PALM2AKAP2: variants seen among roughly 807,000 people sequenced by gnomAD.
PALM2AKAP2 encodes the protein PALM2-AKAP2 fusion protein.
PALM2AKAP2 carries 37 observed loss-of-function variants against 71.5 expected under a neutral mutation model. The observed-to-expected ratio is 0.52, with a 90% confidence interval of 0.40 to 0.68. The LOEUF (loss-of-function observed/expected upper bound fraction) is 0.68, where lower values mean the gene tolerates loss of function less well. Among genes scored for constraint, PALM2AKAP2 ranks in the 30% least tolerant of loss-of-function variants. The probability of loss-of-function intolerance (pLI) is 0.00; values close to 1 mark genes in which losing one functional copy is unlikely to be tolerated. For synonymous variants in PALM2AKAP2, 468 were observed against 478.8 expected (o/e 0.98, Z 0.29); for missense variants, 1,224 against 1,191.8 (o/e 1.03, Z -0.40).
intron 1 of PALM2AKAP2, among the ~76,000 whole-genome samples, chr9:109,744,141 A>G (rs146764006): frequency 7.3e-4 from 111 of 152,312 alleles, no homozygotes; most frequent in African/African-American, 2.6e-3. Context: ...AGAACTGAAT[A>G]ATGATTGGAG....
Position 109,657,871 on chromosome 9 carries a change from T to C in PALM2AKAP2, c.5+17005T>C, listed in dbSNP as rs568516959. Among the ~76,000 whole-genome samples, 6 of 151,558 alleles carry C rather than the reference T, an allele frequency of 4.0e-5. No homozygotes were observed. The South Asian group carries it at 1.0e-3, about 26-fold the overall frequency. ...GAGCTAGGGAGTGGCATGTCATCCC[T>C]GGGGAGATGAGAAAGGGTCAGACTT... On this transcript the variant is annotated intron_variant, in intron 1 of 6. Transcript: ENST00000374531.
intron 2 of PALM2AKAP2, among the ~76,000 whole-genome samples, chr9:110,139,980 C>G (rs917609283): frequency 6.6e-6 from 1 of 152,212 alleles, no homozygotes; most frequent in African/African-American, 2.4e-5. Flanking sequence ...CAGGTGTCAA[C>G]TCTGATCACT....
At chr9:109,695,694 T>C (rs781536360) in intron 1 of PALM2AKAP2, among the ~76,000 whole-genome samples, 2 of 152,090 alleles carry the variant, frequency 1.3e-5, no homozygotes, top group Non-Finnish European at 2.9e-5. Context: ...TTATTCCATA[T>C]AAAAAAGAAT....
At chr9:110,090,274 T>C (rs1414143608) in intron 1 of PALM2AKAP2, 4 of 447,058 alleles carry the variant, frequency 8.9e-6, no homozygotes, top group Non-Finnish European at 1.8e-5. Context: ...GAGGGCTGTG[T>C]TCCTGTGTCC....
At chr9:109,898,317 T>C (rs1235478560) in intron 3 of PALM2AKAP2, among the ~76,000 whole-genome samples, 1 of 152,252 alleles carries the variant, frequency 6.6e-6, no homozygotes, top group African/African-American at 2.4e-5. Flanking sequence ...CACAAACATG[T>C]GCTTACACAC....
intron 1 of PALM2AKAP2, 126 bp downstream of exon 1, chr9:109,780,659 C>T: frequency 7.3e-7 from 1 of 1,378,852 alleles, no homozygotes; most frequent in Non-Finnish European, 1.0e-6. Context: ...GGCTAAAACT[C>T]TGTCAGGGCT....
chr9:110,168,692 CAGG>C (rs1298974836), exon 4 of PALM2AKAP2: 1 of 658,060 alleles, frequency 1.5e-6, no homozygotes, highest in African/African-American at 1.9e-5. Flanking sequence ...TCTGGACACC[CAGG>C]AATCAAAAGA....
chr9:109,839,999 A>C (rs1211441403), intron 1 of PALM2AKAP2, among the ~76,000 whole-genome samples: 1 of 152,206 alleles, frequency 6.6e-6, no homozygotes, highest in Non-Finnish European at 1.5e-5. Flanking sequence ...TTCTTCATAG[A>C]ATTGGAAAAA....
At chr9:109,996,405 C>T (rs1832576158) in intron 6 of PALM2AKAP2, among the ~76,000 whole-genome samples, 1 of 152,212 alleles carries the variant, frequency 6.6e-6, no homozygotes, top group Non-Finnish European at 1.5e-5. Flanking sequence ...GTCCCTTGAA[C>T]TTGCTGCAAG....
At chr9:109,732,119 G>A (rs760037004) in intron 1 of PALM2AKAP2, among the ~76,000 whole-genome samples, 2 of 152,194 alleles carry the variant, frequency 1.3e-5, no homozygotes, top group Non-Finnish European at 2.9e-5. Context: ...AATTACCTGC[G>A]TCATTATGTG....
chr9:110,051,797 T>C (rs865922078), intron 1 of PALM2AKAP2, among the ~76,000 whole-genome samples: 21 of 152,242 alleles, frequency 1.4e-4, no homozygotes, highest in African/African-American at 4.8e-4. Context: ...TACTCACTGC[T>C]TAGATTGTTG....
intron 1 of PALM2AKAP2, among the ~76,000 whole-genome samples, chr9:109,803,724 A>T (rs908491727): frequency 5.9e-5 from 9 of 152,162 alleles, no homozygotes; most frequent in African/African-American, 1.7e-4. Context: ...CATAGTCCCA[A>T]TTCTCCTCTT....
intron 6 of PALM2AKAP2, among the ~76,000 whole-genome samples, chr9:109,946,873 A>C (rs1411595448): frequency 6.6e-6 from 1 of 152,124 alleles, no homozygotes; most frequent in Non-Finnish European, 1.5e-5. Context: ...GAAAAATCTT[A>C]ATGACTTCTG....
intron 1 of PALM2AKAP2, among the ~76,000 whole-genome samples, chr9:109,677,953 C>G (rs974501547): frequency 6.6e-6 from 1 of 152,122 alleles, no homozygotes; most frequent in Non-Finnish European, 1.5e-5. Context: ...AATTAGTACC[C>G]GATAAACTCA....
intron 1 of PALM2AKAP2, among the ~76,000 whole-genome samples, chr9:110,054,509 C>T (rs1833790742): frequency 6.6e-6 from 1 of 152,168 alleles, no homozygotes; most frequent in African/African-American, 2.4e-5. Context: ...CTTAAATTAA[C>T]CAAAGCCTTC....
intron 7 of PALM2AKAP2, chr9:110,025,402 T>C: frequency 1.4e-6 from 1 of 728,030 alleles, no homozygotes; most frequent in East Asian, 2.6e-5. Context: ...CGAAAGGCTT[T>C]TTTTTTTTTT....
rs551449426 is a variant in PALM2AKAP2, at chr9:109,936,271, A to G, written c.496+4243A>G. Among the ~76,000 whole-genome samples the G allele has an allele frequency of 8.5e-5, 13 of 152,328 alleles. No individual in the cohort carries two copies. The East Asian group carries it at 2.5e-3, about 29-fold the overall frequency. On this transcript the variant is annotated intron_variant, in intron 6 of 9. Transcript: ENST00000302798. The stretch of plus-strand genomic sequence containing the variant: ...TTCTAGCTATTTTGAAGTAGACAAT[A>G]AATTATTGTTGGCTTTAGTCACCCT...
intron 6 of PALM2AKAP2, 100 bp downstream of exon 6, chr9:109,932,128 G>A: frequency 8.0e-7 from 1 of 1,256,272 alleles, no homozygotes; most frequent in African/African-American, 1.5e-5. Context: ...TTACATAGGG[G>A]GAGCTCACCT....
At chr9:109,812,074 T>A (rs1827740046) in intron 1 of PALM2AKAP2, among the ~76,000 whole-genome samples, 1 of 152,116 alleles carries the variant, frequency 6.6e-6, no homozygotes, top group South Asian at 2.1e-4. Flanking sequence ...GTCACAATAA[T>A]AGAACTGTTG....
Sources: gnomAD v4.1 joint callset for allele counts (sites outside exome capture counted in the v4.1 genomes callset) on GRCh38, gnomAD v4.1.1 for gene constraint, MANE v1.5 for transcripts, NCBI Gene and HGNC (gene_info 2026-07-23, HGNC 2026-07-21) for gene names.